CBLN2: variants seen among roughly 807,000 people sequenced by gnomAD.
The protein encoded by CBLN2 is cerebellin 2 precursor.
Under a neutral mutation model 15.0 loss-of-function variants are expected in CBLN2, and 7 were observed. That is an observed-to-expected ratio of 0.47 (90% CI 0.27 to 0.88). CBLN2 has a LOEUF of 0.88. Ranked by LOEUF, CBLN2 falls within the 40% of genes least tolerant of loss-of-function variation. The pLI, the probability that CBLN2 is intolerant of heterozygous loss-of-function variation, is 0.14. For synonymous variants in CBLN2, 149 were observed against 135.2 expected (o/e 1.10, Z -0.71); for missense variants, 242 against 304.5 (o/e 0.79, Z 1.53).
At chr18:72,573,277 G>C (rs1034196009) in intron 1 of CBLN2, among the ~76,000 whole-genome samples, 2 of 152,278 alleles carry the variant, frequency 1.3e-5, no homozygotes, top group Middle Eastern at 6.8e-3. Flanking sequence ...AAATATCTTG[G>C]GGGGAAGGTA....
chr18:72,614,008 T>C (rs2069640751), intron 1 of CBLN2, among the ~76,000 whole-genome samples: 1 of 152,208 alleles, frequency 6.6e-6, no homozygotes, highest in South Asian at 2.1e-4. Flanking sequence ...TGTTACTCCC[T>C]GTCAGAGAGA....
chr18:72,635,305 C>G (rs1400269850), intron 1 of CBLN2, among the ~76,000 whole-genome samples: 1 of 152,070 alleles, frequency 6.6e-6, no homozygotes, highest in Non-Finnish European at 1.5e-5. Context: ...CTGAAATATT[C>G]TAATTGTTCA....
chr18:72,536,811 T>C lies in CBLN2; in HGVS notation c.*1365A>G, dbSNP rs1436412291. The stretch of plus-strand genomic sequence containing the variant: ...TCCTTTTTGATTGCTTTGGGATTAG[T>C]GACATTTCCTTGGCATATGCATTAC... On this transcript the variant is annotated 3_prime_UTR_variant, in exon 5 of 5. Transcript: ENST00000269503. 1 of 152,656 alleles carries C rather than the reference T, an allele frequency of 6.6e-6. No homozygotes were observed. Among genetic ancestry groups the C allele is most frequent in the African/African-American group, 2.4e-5 (1 of 41,446 alleles). The allele number at this position is 152,656 out of a possible 1,614,324, so 9.5% of individuals were successfully genotyped here. A position where few individuals can be genotyped will look rare whatever the true frequency, so the allele number is the denominator to read the frequency against.
intron 1 of CBLN2, among the ~76,000 whole-genome samples, chr18:72,613,057 C>T (rs528130668): frequency 6.6e-6 from 1 of 152,318 alleles, no homozygotes; most frequent in African/African-American, 2.4e-5. Flanking sequence ...TCACCCTGAT[C>T]TGTGCCTTCT....
chr18:72,624,041 A>G (rs947372760), intron 1 of CBLN2, among the ~76,000 whole-genome samples: 4 of 152,144 alleles, frequency 2.6e-5, no homozygotes, highest in South Asian at 2.1e-4. Flanking sequence ...AGAGCCTTTC[A>G]GTGATTATTT....
intron 1 of CBLN2, among the ~76,000 whole-genome samples, chr18:72,606,008 C>CA (rs1185142231): frequency 6.6e-6 from 1 of 152,056 alleles, no homozygotes; most frequent in East Asian, 1.9e-4. Context: ...ACTCCAGTGC[C>CA]AATGTGGTTG....
chr18:72,543,195 C>T lies in CBLN2; in HGVS notation c.-167+291G>A. 3.4e-6 allele frequency: 1 copy of T among 297,818 alleles called. No homozygotes were observed. Among genetic ancestry groups the T allele is most frequent in the East Asian group, 5.2e-5 (1 of 19,232 alleles). The allele number at this position is 297,818 out of a possible 1,614,324, so 18.4% of individuals were successfully genotyped here. A position where few individuals can be genotyped will look rare whatever the true frequency, so the allele number is the denominator to read the frequency against. On this transcript the variant is annotated intron_variant, in intron 2 of 4. Coordinates refer to ENST00000269503, the MANE Select transcript of CBLN2 (RefSeq NM_182511.4). The surrounding 1 kb of genome is among the most constrained non-coding windows in gnomAD (Gnocchi z 6.8). The stretch of plus-strand genomic sequence containing the variant: ...GCGCCCGTCTGCACTTTTGCCCCGT[C>T]CCCGCTCCTCCCAGGAAAGCAGACA...
chr18:72,586,113 G>A (rs2069441064), intron 1 of CBLN2, among the ~76,000 whole-genome samples: 2 of 152,206 alleles, frequency 1.3e-5, no homozygotes, highest in African/African-American at 2.4e-5. Context: ...AACTCAGAAG[G>A]GGTGGGGCTT....
At chr18:72,627,512 T>C (rs184406678) in intron 1 of CBLN2, among the ~76,000 whole-genome samples, 30 of 152,358 alleles carry the variant, frequency 2.0e-4, no homozygotes, top group African/African-American at 6.7e-4. Flanking sequence ...CTTTGAATAC[T>C]GTTTATTGCT....
chr18:72,591,789 T>C (rs1160715546), intron 1 of CBLN2, among the ~76,000 whole-genome samples: 1 of 152,134 alleles, frequency 6.6e-6, no homozygotes, highest in Non-Finnish European at 1.5e-5. Context: ...TAACGTAATC[T>C]TCTCCAGTTC....
intron 1 of CBLN2, among the ~76,000 whole-genome samples, chr18:72,568,839 G>A (rs1171453482): frequency 1.3e-5 from 2 of 151,992 alleles, no homozygotes; most frequent in Non-Finnish European, 2.9e-5. Context: ...TTGTTTTGTC[G>A]ATTTAAGAAA....
chr18:72,574,193 T>G (rs2069350079), intron 1 of CBLN2, among the ~76,000 whole-genome samples: 1 of 152,232 alleles, frequency 6.6e-6, no homozygotes, highest in African/African-American at 2.4e-5. Context: ...GGCTATTTAT[T>G]AGATATGCCT....
chr18:72,611,308 GA>G (rs1416748986), intron 1 of CBLN2, among the ~76,000 whole-genome samples: 7 of 152,136 alleles, frequency 4.6e-5, no homozygotes, highest in Non-Finnish European at 1.0e-4. Flanking sequence ...AATTATTTGA[GA>G]AATCTCCAAA....
At chr18:72,574,040 G>A (rs1410992984) in intron 1 of CBLN2, among the ~76,000 whole-genome samples, 1 of 152,188 alleles carries the variant, frequency 6.6e-6, no homozygotes. Context: ...GGAATGTGAA[G>A]TTGAGCCTCT....
chr18:72,567,500 A>G lies in CBLN2; in HGVS notation c.16-28728T>C, dbSNP rs78249047. 9.2e-3 allele frequency among the ~76,000 whole-genome samples: 1,405 copies of G among 152,322 alleles called. 25 individuals are homozygous for G. The highest frequency in any genetic ancestry group is 0.032 in the African/African-American group (1,320 of 41,570). ...TGAGTTTTCTCTCTCAGGCATGTCC[A>G]TACACATACTCAAGCACGTTAGCTG... is the stretch of plus-strand genomic sequence containing the variant. On this transcript the variant is annotated intron_variant, in intron 1 of 2. Coordinates refer to the CBLN2 transcript ENST00000581073.
intron 1 of CBLN2, among the ~76,000 whole-genome samples, chr18:72,574,490 T>C (rs1229553828): frequency 6.6e-6 from 1 of 152,142 alleles, no homozygotes; most frequent in Non-Finnish European, 1.5e-5. Context: ...TTAACTAAAA[T>C]AATTATATCA....
At chr18:72,585,014 C>T (rs1367069915) in intron 1 of CBLN2, among the ~76,000 whole-genome samples, 2 of 152,140 alleles carry the variant, frequency 1.3e-5, no homozygotes, top group Non-Finnish European at 2.9e-5. Context: ...CAGCTCGCTG[C>T]GATGCTGCAT....
intron 1 of CBLN2, among the ~76,000 whole-genome samples, chr18:72,608,595 C>G (rs994869349): frequency 6.6e-6 from 1 of 152,142 alleles, no homozygotes; most frequent in African/African-American, 2.4e-5. Flanking sequence ...ATCAAGCAAG[C>G]CTTCATCCTC....
At chr18:72,613,208 A>G (rs2069634378) in intron 1 of CBLN2, among the ~76,000 whole-genome samples, 1 of 152,192 alleles carries the variant, frequency 6.6e-6, no homozygotes, top group African/African-American at 2.4e-5. Flanking sequence ...ACGTGATCAC[A>G]TTGATGTGGT....
Sources: gnomAD v4.1 joint callset for allele counts (sites outside exome capture counted in the v4.1 genomes callset) on GRCh38, gnomAD v4.1.1 for gene constraint, Gnocchi (gnomAD v3.1) non-coding constraint, MANE v1.5 for transcripts, NCBI Gene and HGNC (gene_info 2026-07-23, HGNC 2026-07-21) for gene names.